PPARG: variants seen among roughly 807,000 people sequenced by gnomAD.
PPARG encodes peroxisome proliferator-activated receptor gamma.
Under a neutral mutation model 39.2 loss-of-function variants are expected in PPARG, and 17 were observed. That is an observed-to-expected ratio of 0.43 (90% CI 0.30 to 0.65). The LOEUF (loss-of-function observed/expected upper bound fraction) is 0.65. Among genes scored for constraint, PPARG ranks in the 30% least tolerant of loss-of-function variants. The pLI is 0.13. For missense variants in PPARG, 406 were observed against 585.9 expected, an observed-to-expected ratio of 0.69 and a Z score of 3.17; for synonymous variants, 223 against 215.7, an observed-to-expected ratio of 1.03 and a Z score of -0.30.
chr3:12,359,834 C>A (rs1354230336), intron 2 of PPARG, among the ~76,000 whole-genome samples: 6 of 152,000 alleles, frequency 3.9e-5, no homozygotes, highest in Admixed American at 2.0e-4. Context: ...ACCACCACGC[C>A]TGGCTAATTT....
intron 6 of PPARG, among the ~76,000 whole-genome samples, chr3:12,412,075 C>T (rs1379563135): frequency 1.3e-5 from 2 of 152,184 alleles, no homozygotes; most frequent in Non-Finnish European, 2.9e-5. Flanking sequence ...CTCATTCAAT[C>T]TGCCAAATTA....
At chr3:12,400,767 G>A (rs1008003761) in intron 5 of PPARG, among the ~76,000 whole-genome samples, 2 of 152,194 alleles carry the variant, frequency 1.3e-5, no homozygotes, top group African/African-American at 4.8e-5. Context: ...GTAGACATTT[G>A]TAGAACTTTA....
intron 7 of PPARG, among the ~76,000 whole-genome samples, chr3:12,432,824 A>C (rs2051706686): frequency 6.6e-6 from 1 of 152,260 alleles, no homozygotes; most frequent in Non-Finnish European, 1.5e-5. Flanking sequence ...AGTTTTCTGC[A>C]CATCAGTGGG....
intron 4 of PPARG, among the ~76,000 whole-genome samples, chr3:12,386,669 G>C (rs1045569923): frequency 1.3e-5 from 2 of 151,956 alleles, no homozygotes; most frequent in Admixed American, 1.3e-4. Context: ...GATTCAGAAT[G>C]GTTAATGTTC....
chr3:12,354,340 G>A (rs956587243), intron 2 of PPARG, among the ~76,000 whole-genome samples: 1 of 152,100 alleles, frequency 6.6e-6, no homozygotes, highest in African/African-American at 2.4e-5. Context: ...AGGATTAATG[G>A]GAGGATTAAA....
chr3:12,417,902 C>CTTTTTTT (rs869086237), intron 7 of PPARG, among the ~76,000 whole-genome samples: 709 of 65,840 alleles, frequency 0.011, 36 homozygotes, highest in African/African-American at 0.024. Flanking sequence ...TTTTTTTTTC[C>CTTTTTTT]TTTTTTTTTT....
chr3:12,390,217 C>T (rs776442305), intron 4 of PPARG, among the ~76,000 whole-genome samples: 18 of 152,104 alleles, frequency 1.2e-4, no homozygotes, highest in Non-Finnish European at 2.6e-4. Flanking sequence ...TTTCATAAAG[C>T]GCTTGTGGGG....
chr3:12,350,505 T>C (rs563680079), intron 2 of PPARG, among the ~76,000 whole-genome samples: 2 of 152,310 alleles, frequency 1.3e-5, no homozygotes, highest in South Asian at 2.1e-4. Context: ...CTGCCCTGTG[T>C]GGGGGCGTCT....
chr3:12,323,236 ACT>A (rs369598664), intron 2 of PPARG, among the ~76,000 whole-genome samples: 15 of 152,200 alleles, frequency 9.9e-5, no homozygotes, highest in African/African-American at 3.6e-4. Context: ...GGGAAGAGAG[ACT>A]CTGTTTCAGG....
intron 7 of PPARG, among the ~76,000 whole-genome samples, chr3:12,420,188 A>C (rs377014971): frequency 1.3e-4 from 20 of 152,378 alleles, no homozygotes; most frequent in Admixed American, 4.6e-4. Flanking sequence ...AAAGGTACTT[A>C]GTTTCTACTA....
At chr3:12,341,789 A>C (rs1333876719) in intron 2 of PPARG, among the ~76,000 whole-genome samples, 1 of 152,068 alleles carries the variant, frequency 6.6e-6, no homozygotes, top group African/African-American at 2.4e-5. Context: ...AGCCTGGGTA[A>C]CAGAGCAAGA....
chr3:12,424,105 C>A (rs1189925081), intron 7 of PPARG, among the ~76,000 whole-genome samples: 2 of 152,118 alleles, frequency 1.3e-5, no homozygotes, highest in East Asian at 3.8e-4. Flanking sequence ...CCCATTAGTT[C>A]ACTATTTTCA....
intron 1 of PPARG, among the ~76,000 whole-genome samples, chr3:12,297,118 T>C (rs1042945502): frequency 3.3e-5 from 5 of 152,198 alleles, no homozygotes; most frequent in Admixed American, 3.3e-4. Flanking sequence ...AGCATTGTTA[T>C]AAGAACCCAT....
intron 2 of PPARG, among the ~76,000 whole-genome samples, chr3:12,364,526 T>A (rs981167455): frequency 6.6e-6 from 1 of 152,078 alleles, no homozygotes; most frequent in Non-Finnish European, 1.5e-5. Flanking sequence ...TGTGTGTGGG[T>A]TTTTTGTGGA....
At chr3:12,336,064 T>C (rs2048003985) in intron 2 of PPARG, among the ~76,000 whole-genome samples, 1 of 152,198 alleles carries the variant, frequency 6.6e-6, no homozygotes, top group South Asian at 2.1e-4. Flanking sequence ...TAAGGAGGTA[T>C]ATGCCCATCT....
chr3:12,345,043 T>A (rs181847477), intron 2 of PPARG: 1 of 152,340 alleles, frequency 6.6e-6, no homozygotes, highest in Admixed American at 6.5e-5. Flanking sequence ...AGCATTGTTG[T>A]GAGTTTCAAA....
intron 1 of PPARG, among the ~76,000 whole-genome samples, chr3:12,305,319 T>C (rs1158163048): frequency 1.3e-5 from 2 of 152,220 alleles, no homozygotes; most frequent in Non-Finnish European, 2.9e-5. Flanking sequence ...TTAACAGAAA[T>C]GTTATGTTGC....
chr3:12,366,343 T>C (rs992884103), intron 2 of PPARG, among the ~76,000 whole-genome samples: 2 of 151,820 alleles, frequency 1.3e-5, no homozygotes, highest in African/African-American at 4.8e-5. Context: ...TTTTTTTTTT[T>C]CTGTTCTTTT....
At chr3:12,342,942 AG>A in intron 2 of PPARG, among the ~76,000 whole-genome samples, 1 of 152,288 alleles carries the variant, frequency 6.6e-6, no homozygotes, top group Admixed American at 6.5e-5. Context: ...AAAACCACCA[AG>A]CTTTCAAATA....
Sources: gnomAD v4.1 joint callset for allele counts (sites outside exome capture counted in the v4.1 genomes callset) on GRCh38, gnomAD v4.1.1 for gene constraint, MANE v1.5 for transcripts, NCBI Gene and HGNC (gene_info 2026-07-23, HGNC 2026-07-21) for gene names.